INTS1: variants seen among roughly 807,000 people sequenced by gnomAD.
The protein encoded by INTS1 is integrator complex subunit 1.
In INTS1, 137 loss-of-function variants were observed where a neutral mutation model predicts 241.6. That is an observed-to-expected ratio of 0.57 (90% confidence interval 0.49 to 0.65). The LOEUF (loss-of-function observed/expected upper bound fraction) is 0.65. Ranked by LOEUF, INTS1 falls within the 30% of genes least tolerant of loss-of-function variation. The probability of loss-of-function intolerance (pLI) is 0.00; values close to 1 mark genes in which losing one functional copy is unlikely to be tolerated. For synonymous variants in INTS1, 1,692 were observed against 1,337.8 expected (o/e 1.26, Z -5.78); for missense variants, 3,073 against 3,032.2 (o/e 1.01, Z -0.32).
At position 1,473,562 on chromosome 7, in the gene INTS1, T is replaced by C; in HGVS notation, c.5957+4A>G. The stretch of plus-strand genomic sequence containing the variant: ...AGGCTTCCCTGCAGCCCGTGGGCAC[T>C]CACTGGAGCGGGTCGGCGTGCTTCT... On this transcript the variant is annotated splice_donor_region_variant and intron_variant, in intron 42 of 47. Coordinates refer to ENST00000404767, the MANE Select transcript of INTS1 (RefSeq NM_001080453.3). 1 of 1,585,616 alleles carries C rather than the reference T, an allele frequency of 6.3e-7. No individual in the cohort carries two copies.
chr7:1,494,782 G>A (rs771356582), intron 14 of INTS1, 34 bp downstream of exon 14: 51 of 1,545,274 alleles, frequency 3.3e-5, no homozygotes, highest in Admixed American at 7.8e-5. Context: ...CGCCCAGCCC[G>A]GCACACAGGA....
rs766795437 is a variant in INTS1, at chr7:1,476,075, G to T, written c.5379-4C>A. The T allele has an allele frequency of 1.3e-6, 2 of 1,540,590 alleles. No homozygotes were observed. Among genetic ancestry groups the T allele is most frequent in the Non-Finnish European group, 1.7e-6 (2 of 1,144,946 alleles). On this transcript the variant is annotated splice_region_variant and splice_polypyrimidine_tract_variant and intron_variant, in intron 38 of 47. Transcript: ENST00000404767. Reference sequence around the variant, plus strand: ...TCGGCAGCGCCTGCCCAGCACGCTGGAAGAGGTGGAGCAGGGCTCACCAGG... The same window carrying T: ...TCGGCAGCGCCTGCCCAGCACGCTGTAAGAGGTGGAGCAGGGCTCACCAGG...
intron 26 of INTS1, chr7:1,483,314 G>A (rs1452706066): frequency 9.6e-6 from 3 of 312,808 alleles, no homozygotes; most frequent in Non-Finnish European, 1.9e-5. Flanking sequence ...CAGACACTGC[G>A]CTGGCCAGAG....
At chr7:1,502,647 CAT>C (rs896807830) in intron 3 of INTS1, among the ~76,000 whole-genome samples, 4 of 152,212 alleles carry the variant, frequency 2.6e-5, no homozygotes, top group South Asian at 4.1e-4. Context: ...CCAACAGACA[CAT>C]GAGACAAACA....
rs764507332 is a variant in INTS1, at chr7:1,472,266, G to A, written c.6184+7C>T. On this transcript the variant is annotated splice_region_variant and intron_variant, in intron 44 of 47. Transcript: ENST00000404767. ...ACCTGGCGTGGGTGAAGCAGGGCCT[G>A]ACTCACCCTCCACCGTTTGGCCCCG... The A allele has an allele frequency of 5.7e-5, 88 of 1,546,974 alleles. No homozygotes were observed. In the South Asian group the frequency reaches 9.9e-4, roughly 17 times the overall value.
rs1423161338 is a variant in INTS1, at chr7:1,481,781, T to TGGGCCAC, written c.3704-300_3704-294dup. On this transcript the variant is annotated intron_variant, in intron 27 of 47. Transcript: ENST00000404767. This position sits in a 1 kb window ranked among gnomAD's most constrained non-coding sequence, Gnocchi z 6.8. ...CACTCGGCAGCCCCACCTGAGACCC[T>TGGGCCAC]GGGCCACGTGGGCTCGGTGACCCCA... Among the ~76,000 whole-genome samples, 47 of 148,754 alleles carry TGGGCCAC rather than the reference T, an allele frequency of 3.2e-4. No individual in the cohort carries two copies. The highest frequency in any genetic ancestry group is 1.1e-3 in the African/African-American group (44 of 40,188).
intron 45 of INTS1, 68 bp downstream of exon 45, chr7:1,471,503 G>C: frequency 1.3e-6 from 2 of 1,519,376 alleles, no homozygotes; most frequent in Non-Finnish European, 1.8e-6. Flanking sequence ...ATGTTGGGGT[G>C]GTGGCCCTGC....
rs772338429 is a variant in INTS1 at position 1,489,689 on chromosome 7, G to A, written c.2166-7C>T. 9 of 1,516,334 alleles carry A rather than the reference G, an allele frequency of 5.9e-6. No individual in the cohort carries two copies. The East Asian group carries it at 1.7e-4, about 28-fold the overall frequency. The allele number at this position is 1,516,334 out of a possible 1,614,324, so 93.9% of individuals were successfully genotyped here. A position where few individuals can be genotyped will look rare whatever the true frequency, so the allele number is the denominator to read the frequency against. ...GAGGTTCGGAGGCTGGTACCTGGAA[G>A]GCAGGGGCGCCCCGACTCAGGCCCA... On this transcript the variant is annotated splice_region_variant and splice_polypyrimidine_tract_variant and intron_variant, in intron 16 of 47. Transcript: ENST00000404767.
intron 30 of INTS1, among the ~76,000 whole-genome samples, chr7:1,480,036 G>C (rs1031401649): frequency 6.6e-6 from 1 of 152,238 alleles, no homozygotes; most frequent in Non-Finnish European, 1.5e-5. Context: ...ACATCAAACC[G>C]GGTGCCCCGC....
rs374613279 is a variant in INTS1, at chr7:1,499,592, T to C, written c.725A>G (p.Asp242Gly). ...EDSLGERIWVDSPHCKTFVDN... is the reference protein window; with the variant it reads ...EDSLGERIWVGSPHCKTFVDN... ...CACAAACGTCTTACAGTGAGGGCTG[T>C]CCACCCAGATCCGCTCCCCCAGGGA... The change falls in exon 6 of 48, where the codon GAC (aspartate) becomes GGC (glycine). Residue 242 changes from aspartate to glycine, a missense_variant. Coordinates refer to ENST00000404767, the MANE Select transcript of INTS1 (RefSeq NM_001080453.3). 1 of 1,613,256 alleles carries C rather than the reference T, an allele frequency of 6.2e-7. No individual in the cohort carries two copies. Among genetic ancestry groups the C allele is most frequent in the Non-Finnish European group, 8.5e-7 (1 of 1,179,580 alleles).
chr7:1,479,826 C>T, intron 30 of INTS1, 142 bp from the exon 31 acceptor site: 1 of 941,950 alleles, frequency 1.1e-6, no homozygotes, highest in Non-Finnish European at 1.5e-6. Flanking sequence ...CACCTTGTGG[C>T]CTGAGGGGCC....
At chr7:1,484,255 C>T in intron 24 of INTS1, 85 bp from the exon 25 acceptor site, 1 of 1,400,692 alleles carries the variant, frequency 7.1e-7, no homozygotes, top group Non-Finnish European at 9.7e-7. Context: ...CAGGCACGCT[C>T]TCACTGGGAT....
intron 19 of INTS1, 73 bp from the exon 20 acceptor site, chr7:1,487,522 T>A: frequency 6.6e-7 from 1 of 1,524,294 alleles, no homozygotes; most frequent in Non-Finnish European, 8.9e-7. Context: ...CCTCCTCCCA[T>A]CCCTGCTTCG....
intron 10 of INTS1, 119 bp downstream of exon 10, chr7:1,498,293 G>A (rs1174819704): frequency 1.9e-5 from 27 of 1,454,790 alleles, no homozygotes; most frequent in Non-Finnish European, 2.3e-5. Flanking sequence ...TCCCGAGACC[G>A]AGGAGCATTC....
In INTS1 at chr7:1,493,702, G is replaced by A. The variant is rs1782703062; in HGVS notation, c.2068+52C>T. 3.3e-6 allele frequency: 5 copies of A among 1,516,752 alleles called. No individual in the cohort carries two copies. The highest frequency in any genetic ancestry group is 4.4e-6 in the Non-Finnish European group (5 of 1,127,836). 94.0% of individuals were successfully genotyped at this position (1,516,752 alleles called of 1,614,324 possible). On this transcript the variant is annotated intron_variant, in intron 15 of 47. Coordinates refer to ENST00000404767, the MANE Select transcript of INTS1 (RefSeq NM_001080453.3). The surrounding 1 kb of genome is among the most constrained non-coding windows in gnomAD (Gnocchi z 5.3). ...GCGTGCCAGAGCCGGGGTTTCTGCA[G>A]GGACGAGGGGAGCAGACCCAGCACA... is the stretch of plus-strand genomic sequence containing the variant.
At position 1,476,078 on chromosome 7, in the gene INTS1, G is replaced by C. The variant is rs754042710; in HGVS notation, c.5379-7C>G. On this transcript the variant is annotated splice_region_variant and splice_polypyrimidine_tract_variant and intron_variant, in intron 38 of 47. Coordinates refer to ENST00000404767, the MANE Select transcript of INTS1 (RefSeq NM_001080453.3). ...GCAGCGCCTGCCCAGCACGCTGGAA[G>C]AGGTGGAGCAGGGCTCACCAGGCGG... 1 of 1,540,030 alleles carries C rather than the reference G, an allele frequency of 6.5e-7. No homozygotes were observed. The highest frequency in any genetic ancestry group is 1.2e-5 in the South Asian group (1 of 83,914).
chr7:1,478,291 G>A, intron 33 of INTS1, 75 bp downstream of exon 33: 1 of 1,515,910 alleles, frequency 6.6e-7, no homozygotes, highest in Non-Finnish European at 9.1e-7. Context: ...TCCCCCACTG[G>A]GCAGCTAGAA....
rs746741995 is a variant in INTS1, at chr7:1,499,112, G to C, written c.1000C>G (p.Arg334Gly). Reference protein sequence around the residue: ...SVEEYVLDMLRDQLNRRQPID... With the variant: ...SVEEYVLDMLGDQLNRRQPID... ...GGCTGGCGCCGGTTCAGCTGGTCCC[G>C]CAGCATGTCCAGGACATACTCCTCC... The change falls in exon 8 of 48, where the codon CGG (arginine) becomes GGG (glycine). Residue 334 changes from arginine (R) to glycine (G), a missense_variant. Arg to Gly is a moderately radical substitution (Grantham distance 125). Transcript: ENST00000404767. 1.2e-6 allele frequency: 2 copies of C among 1,611,330 alleles called. No individual in the cohort carries two copies. The highest frequency in any genetic ancestry group is 1.1e-5 in the South Asian group (1 of 90,930).
intron 14 of INTS1, among the ~76,000 whole-genome samples, chr7:1,494,169 G>C (rs368612496): frequency 3.9e-5 from 6 of 152,328 alleles, no homozygotes; most frequent in African/African-American, 1.2e-4. Flanking sequence ...CACAGTCACT[G>C]GTTCCTACAA....
Sources: gnomAD v4.1 joint callset for allele counts (sites outside exome capture counted in the v4.1 genomes callset) on GRCh38, gnomAD v4.1.1 for gene constraint, Gnocchi (gnomAD v3.1) non-coding constraint, MANE v1.5 for transcripts, NCBI Gene and HGNC (gene_info 2026-07-23, HGNC 2026-07-21) for gene names.